BBS9: variants seen among roughly 807,000 people sequenced by gnomAD.
The protein encoded by BBS9 is Bardet-Biedl syndrome 9.
BBS9 carries 89 observed loss-of-function variants against 117.7 expected under a neutral mutation model. The ratio of observed to expected loss-of-function variants is 0.76; its 90% CI spans 0.64 to 0.90. BBS9 has a LOEUF of 0.90. BBS9 is among the 40% of genes least tolerant of loss of function. BBS9 has a pLI of 0.00. For missense variants in BBS9, 982 were observed against 1,042.2 expected, an observed-to-expected ratio of 0.94 and a Z score of 0.80; for synonymous variants, 379 against 370.9, an observed-to-expected ratio of 1.02 and a Z score of -0.25.
chr7:33,465,863 G>GA (rs1469191008), intron 19 of BBS9, among the ~76,000 whole-genome samples: 1 of 151,904 alleles, frequency 6.6e-6, no homozygotes. Flanking sequence ...CTATTAACTT[G>GA]AAAAAATACC....
At chr7:33,509,317 C>T (rs1219054717) in intron 20 of BBS9, among the ~76,000 whole-genome samples, 1 of 152,168 alleles carries the variant, frequency 6.6e-6, no homozygotes, top group Non-Finnish European at 1.5e-5. Flanking sequence ...TGCTAGTTCA[C>T]AATCCCCCAC....
chr7:33,422,001 T>C (rs1423203488), intron 19 of BBS9, among the ~76,000 whole-genome samples: 2 of 152,172 alleles, frequency 1.3e-5, no homozygotes, highest in Non-Finnish European at 2.9e-5. Context: ...AATCATAGTT[T>C]AAATTTAGTA....
chr7:33,536,289 A>G (rs982352544), intron 21 of BBS9, among the ~76,000 whole-genome samples: 7 of 151,666 alleles, frequency 4.6e-5, no homozygotes, highest in African/African-American at 1.7e-4. Context: ...TCTGTGGTTG[A>G]GTGGCTCTCC....
At chr7:33,296,137 G>C (rs909892287) in intron 9 of BBS9, among the ~76,000 whole-genome samples, 9 of 151,974 alleles carry the variant, frequency 5.9e-5, no homozygotes, top group African/African-American at 2.2e-4. Context: ...GGTAGAAAAA[G>C]ATTTTAACTA....
At chr7:33,235,954 T>TA (rs1793400747) in intron 5 of BBS9, among the ~76,000 whole-genome samples, 1 of 152,194 alleles carries the variant, frequency 6.6e-6, no homozygotes, top group African/African-American at 2.4e-5. Flanking sequence ...TAGCTCTTTT[T>TA]GAGTAACGAA....
intron 5 of BBS9, among the ~76,000 whole-genome samples, chr7:33,201,878 C>T (rs1482798668): frequency 6.6e-6 from 1 of 152,148 alleles, no homozygotes; most frequent in East Asian, 1.9e-4. Flanking sequence ...TTGGCTTTCT[C>T]CAAAGGCTCT....
intron 19 of BBS9, among the ~76,000 whole-genome samples, chr7:33,428,728 A>G (rs1833987880): frequency 6.6e-6 from 1 of 152,206 alleles, no homozygotes; most frequent in Admixed American, 6.5e-5. Flanking sequence ...GAGTTCTAAC[A>G]AAGAGAGAAT....
At chr7:33,167,134 C>A (rs982245308) in intron 4 of BBS9, among the ~76,000 whole-genome samples, 1 of 152,192 alleles carries the variant, frequency 6.6e-6, no homozygotes. Context: ...TCCAGGTTCT[C>A]CATGAGTCCA....
intron 5 of BBS9, among the ~76,000 whole-genome samples, chr7:33,238,224 G>A (rs1437423971): frequency 3.9e-5 from 6 of 152,136 alleles, no homozygotes; most frequent in Admixed American, 6.5e-5. Flanking sequence ...TGATCATCAT[G>A]TCCCATGGCA....
At chr7:33,235,936 T>C (rs1229882140) in intron 5 of BBS9, among the ~76,000 whole-genome samples, 1 of 152,228 alleles carries the variant, frequency 6.6e-6, no homozygotes, top group Non-Finnish European at 1.5e-5. Flanking sequence ...TTCTTGACTT[T>C]AGATATATAG....
At chr7:33,328,982 G>C (rs1276657392) in intron 9 of BBS9, among the ~76,000 whole-genome samples, 1 of 141,106 alleles carries the variant, frequency 7.1e-6, no homozygotes, top group Non-Finnish European at 1.6e-5. Flanking sequence ...AAAAGGATAA[G>C]GTTTTCCTTC....
At chr7:33,221,686 A>G (rs1449835190) in intron 5 of BBS9, among the ~76,000 whole-genome samples, 3 of 152,162 alleles carry the variant, frequency 2.0e-5, no homozygotes, top group Non-Finnish European at 4.4e-5. Flanking sequence ...TTGTTCCTAT[A>G]CTAGAGTGAA....
chr7:33,130,936 G>T (rs759005821), intron 1 of BBS9, among the ~76,000 whole-genome samples: 11 of 152,128 alleles, frequency 7.2e-5, no homozygotes, highest in Admixed American at 1.3e-4. Flanking sequence ...AAATCCAACA[G>T]CAATAGTATA....
At chr7:33,243,971 C>T (rs978988424) in intron 5 of BBS9, among the ~76,000 whole-genome samples, 2 of 152,274 alleles carry the variant, frequency 1.3e-5, no homozygotes, top group African/African-American at 4.8e-5. Flanking sequence ...CACCTGTAAT[C>T]TCAGCACTTT....
intron 18 of BBS9, among the ~76,000 whole-genome samples, chr7:33,386,972 T>G (rs1218861913): frequency 6.6e-6 from 1 of 152,082 alleles, no homozygotes; most frequent in Non-Finnish European, 1.5e-5. Flanking sequence ...ATAGGTTTCT[T>G]TTTTTTAAAT....
intron 10 of BBS9, among the ~76,000 whole-genome samples, chr7:33,339,319 GCCA>G (rs1434048847): frequency 6.6e-6 from 1 of 152,102 alleles, no homozygotes; most frequent in African/African-American, 2.4e-5. Context: ...AATCTCACCA[GCCA>G]CTCCAAGCTG....
intron 13 of BBS9, among the ~76,000 whole-genome samples, chr7:33,349,678 A>G (rs775740916): frequency 6.6e-6 from 1 of 152,146 alleles, no homozygotes; most frequent in Non-Finnish European, 1.5e-5. Flanking sequence ...CAATTTGCCT[A>G]TCTCGGCCTC....
At chr7:33,377,450 A>G (rs1006514118) in intron 17 of BBS9, among the ~76,000 whole-genome samples, 2 of 152,168 alleles carry the variant, frequency 1.3e-5, no homozygotes, top group African/African-American at 2.4e-5. Flanking sequence ...AAGTAGGGCA[A>G]TGTGATGCTT....
In BBS9 at chr7:33,397,116, A is replaced by C. The variant is rs146066413; in HGVS notation, c.2115+8972A>C. On this transcript the variant is annotated intron_variant, in intron 19 of 22. Coordinates refer to ENST00000242067, the MANE Select transcript of BBS9 (RefSeq NM_198428.3). ...ATATCTAGAGTCTACAAGGAACTTA[A>C]ACAAATTTACAAGAAAAAAAATCCC... 3.3e-3 allele frequency among the ~76,000 whole-genome samples: 496 copies of C among 152,204 alleles called. 1 individual carries two copies. The highest frequency in any genetic ancestry group is 0.011 in the African/African-American group (467 of 41,448).
Sources: gnomAD v4.1 joint callset for allele counts (sites outside exome capture counted in the v4.1 genomes callset) on GRCh38, gnomAD v4.1.1 for gene constraint, MANE v1.5 for transcripts, NCBI Gene and HGNC (gene_info 2026-07-23, HGNC 2026-07-21) for gene names.